CNTNAP2: variants seen among roughly 807,000 people sequenced by gnomAD.
CNTNAP2 encodes contactin associated protein 2.
CNTNAP2 carries 98 observed loss-of-function variants against 155.2 expected under a neutral mutation model. That is an observed-to-expected ratio of 0.63 (90% CI 0.54 to 0.75). The LOEUF (loss-of-function observed/expected upper bound fraction) is 0.75, where lower values mean the gene tolerates loss of function less well. Ranked by LOEUF, CNTNAP2 falls within the 30% of genes least tolerant of loss-of-function variation. The pLI, the probability that CNTNAP2 is intolerant of heterozygous loss-of-function variation, is 0.00. For synonymous variants in CNTNAP2, 651 were observed against 631.2 expected (o/e 1.03, Z -0.47); for missense variants, 1,727 against 1,688.1 (o/e 1.02, Z -0.40).
chr7:147,680,690 G>C (rs975102334), intron 13 of CNTNAP2, among the ~76,000 whole-genome samples: 2 of 151,784 alleles, frequency 1.3e-5, no homozygotes, highest in Admixed American at 6.6e-5. Flanking sequence ...GCAAATTTAA[G>C]CAAGCAGACA....
At chr7:146,132,633 T>A (rs1326159983) in intron 1 of CNTNAP2, among the ~76,000 whole-genome samples, 8 of 147,596 alleles carry the variant, frequency 5.4e-5, no homozygotes, top group Non-Finnish European at 1.0e-4. Context: ...ATCTCATTGT[T>A]CAATTCCCAC....
At chr7:147,238,500 A>G (rs1563129040) in intron 8 of CNTNAP2, among the ~76,000 whole-genome samples, 1 of 152,126 alleles carries the variant, frequency 6.6e-6, no homozygotes, top group Non-Finnish European at 1.5e-5. Context: ...GAAGCAGGAG[A>G]TAGGTTTAGT....
chr7:146,540,330 T>C (rs1043740062), intron 1 of CNTNAP2, among the ~76,000 whole-genome samples: 5 of 152,060 alleles, frequency 3.3e-5, no homozygotes, highest in Non-Finnish European at 7.4e-5. Flanking sequence ...CAACCAAGTT[T>C]AGAGATATCT....
At chr7:146,486,457 A>T (rs988411661) in intron 1 of CNTNAP2, among the ~76,000 whole-genome samples, 67 of 152,160 alleles carry the variant, frequency 4.4e-4, no homozygotes, top group African/African-American at 1.5e-3. Context: ...AAAAATAAAA[A>T]GTTATCTGAG....
At chr7:147,203,931 G>A (rs1298132663) in intron 8 of CNTNAP2, among the ~76,000 whole-genome samples, 1 of 152,080 alleles carries the variant, frequency 6.6e-6, no homozygotes, top group Non-Finnish European at 1.5e-5. Flanking sequence ...GTAGGGAGGG[G>A]ATGTGAAGAT....
At position 146,195,273 on chromosome 7, in the gene CNTNAP2, A is replaced by C. The variant is rs1798759280; in HGVS notation, c.97+78300A>C. 2 of 152,214 alleles carry C rather than the reference A, an allele frequency of 1.3e-5. 1 individual carries two copies. The highest frequency in any genetic ancestry group is 4.1e-4 in the South Asian group (2 of 4,836). The allele number at this position is 152,214 out of a possible 1,614,324, so 9.4% of individuals were successfully genotyped here. ...CGGTTTGCACTAAAAACATTAAATC[A>C]GGTGCAGTTTATGTGCCAATGAACC... On this transcript the variant is annotated intron_variant, in intron 1 of 23. Coordinates refer to ENST00000361727, the MANE Select transcript of CNTNAP2 (RefSeq NM_014141.6).
chr7:146,708,252 A>G (rs1324439980), intron 1 of CNTNAP2, among the ~76,000 whole-genome samples: 3 of 152,056 alleles, frequency 2.0e-5, no homozygotes, highest in African/African-American at 7.2e-5. Context: ...TGAAGCTACT[A>G]CCTTCATTAT....
intron 8 of CNTNAP2, among the ~76,000 whole-genome samples, chr7:147,232,777 A>G (rs1563126737): frequency 7.4e-6 from 1 of 135,376 alleles, no homozygotes; most frequent in Non-Finnish European, 1.5e-5. Flanking sequence ...CTTGGTAATG[A>G]CTTTTTTAAA....
chr7:146,800,170 A>G (rs901553307), intron 2 of CNTNAP2, among the ~76,000 whole-genome samples: 1 of 152,142 alleles, frequency 6.6e-6, no homozygotes, highest in Non-Finnish European at 1.5e-5. Context: ...TAGCAGCAAC[A>G]CTAGCTATTC....
At chr7:148,048,263 G>T (rs908305950) in intron 15 of CNTNAP2, among the ~76,000 whole-genome samples, 3 of 152,160 alleles carry the variant, frequency 2.0e-5, no homozygotes, top group Non-Finnish European at 4.4e-5. Context: ...GACCTGGGAT[G>T]TGATCAACTC....
chr7:148,049,861 A>T (rs922096208), intron 15 of CNTNAP2, among the ~76,000 whole-genome samples: 5 of 152,204 alleles, frequency 3.3e-5, no homozygotes, highest in Admixed American at 6.5e-5. Flanking sequence ...TACTTATTTT[A>T]AAAAATTTGC....
chr7:146,753,518 T>C (rs992844522), intron 1 of CNTNAP2, among the ~76,000 whole-genome samples: 2 of 152,056 alleles, frequency 1.3e-5, no homozygotes, highest in African/African-American at 2.4e-5. Context: ...AGAACTGTTA[T>C]ACAGAAATAT....
intron 13 of CNTNAP2, among the ~76,000 whole-genome samples, chr7:147,841,994 T>C (rs1798741201): frequency 1.3e-5 from 2 of 149,418 alleles, no homozygotes; most frequent in South Asian, 4.1e-4. Context: ...GTAAAAATTA[T>C]GATACACAGT....
chr7:147,216,344 G>C (rs905798363), intron 8 of CNTNAP2, among the ~76,000 whole-genome samples: 2 of 151,908 alleles, frequency 1.3e-5, no homozygotes, highest in Non-Finnish European at 2.9e-5. Context: ...GATCCACTTT[G>C]AGTTAATTTT....
intron 1 of CNTNAP2, among the ~76,000 whole-genome samples, chr7:146,485,642 A>T (rs1797043667): frequency 1.3e-5 from 2 of 152,160 alleles, no homozygotes; most frequent in African/African-American, 4.8e-5. Flanking sequence ...TTTTATTTTG[A>T]GACAGGGTCT....
At chr7:148,019,641 G>A (rs1288880577) in intron 15 of CNTNAP2, among the ~76,000 whole-genome samples, 1 of 151,996 alleles carries the variant, frequency 6.6e-6, no homozygotes, top group Non-Finnish European at 1.5e-5. Context: ...ATTTTTAGTA[G>A]AGACAGTGTT....
At chr7:148,281,578 C>T (rs1224553475) in intron 21 of CNTNAP2, among the ~76,000 whole-genome samples, 1 of 152,178 alleles carries the variant, frequency 6.6e-6, no homozygotes, top group African/African-American at 2.4e-5. Context: ...AGAATCTTCT[C>T]AAGGCTGAAG....
At chr7:146,542,341 G>A (rs943349840) in intron 1 of CNTNAP2, among the ~76,000 whole-genome samples, 7 of 151,876 alleles carry the variant, frequency 4.6e-5, no homozygotes, top group Admixed American at 4.6e-4. Context: ...ATAAATTATA[G>A]CAAACCACAC....
intron 3 of CNTNAP2, among the ~76,000 whole-genome samples, chr7:146,940,398 G>C (rs1797026815): frequency 6.6e-6 from 1 of 151,792 alleles, no homozygotes; most frequent in South Asian, 2.1e-4. Flanking sequence ...GTTTCACCTT[G>C]TTGTCCAGGA....
Sources: allele counts gnomAD v4.1 joint callset (sites outside exome capture counted in the v4.1 genomes callset), GRCh38; gene constraint gnomAD v4.1.1; transcripts MANE v1.5; gene names NCBI Gene and HGNC (gene_info 2026-07-23, HGNC 2026-07-21).